The following DPP10 variants were observed in gnomAD, a reference collection of about 807,000 sequenced individuals.
The protein encoded by DPP10 is inactive dipeptidyl peptidase 10.
DPP10 carries 33 observed loss-of-function variants against 120.9 expected under a neutral mutation model. The observed-to-expected ratio is 0.27, with a 90% CI of 0.21 to 0.37. The LOEUF (loss-of-function observed/expected upper bound fraction) is 0.37, where lower values mean the gene tolerates loss of function less well. Among genes scored for constraint, DPP10 ranks in the 10% least tolerant of loss-of-function variants. DPP10 has a pLI of 1.00. For missense variants in DPP10, 816 were observed against 942.8 expected, an observed-to-expected ratio of 0.87 and a Z score of 1.76; for synonymous variants, 337 against 326.1, an observed-to-expected ratio of 1.03 and a Z score of -0.36.
At chr2:115,070,138 A>G (rs1331904384) in intron 1 of DPP10, among the ~76,000 whole-genome samples, 3 of 152,130 alleles carry the variant, frequency 2.0e-5, no homozygotes, top group Non-Finnish European at 4.4e-5. Context: ...AAGTAAAATG[A>G]GAAATACATT....
At chr2:114,587,045 C>T (rs1691041233) in intron 1 of DPP10, among the ~76,000 whole-genome samples, 1 of 152,138 alleles carries the variant, frequency 6.6e-6, no homozygotes, top group African/African-American at 2.4e-5. Flanking sequence ...TGCCTGTAAT[C>T]CCAGCACTTT....
intron 1 of DPP10, among the ~76,000 whole-genome samples, chr2:115,193,096 T>C (rs1240108332): frequency 1.3e-5 from 2 of 152,192 alleles, no homozygotes; most frequent in East Asian, 3.9e-4. Context: ...GTTTCTTCAA[T>C]AGTTTTACAT....
intron 3 of DPP10, among the ~76,000 whole-genome samples, chr2:115,459,809 C>G (rs907110511): frequency 6.6e-6 from 1 of 151,512 alleles, no homozygotes; most frequent in African/African-American, 2.4e-5. Context: ...TTATTTCTAA[C>G]TTCTGAGATT....
At chr2:115,400,805 G>A (rs1461668626) in intron 3 of DPP10, among the ~76,000 whole-genome samples, 2 of 152,126 alleles carry the variant, frequency 1.3e-5, no homozygotes, top group Admixed American at 6.5e-5. Flanking sequence ...TTTCCAGGTC[G>A]CTGCCATCTT....
At chr2:114,740,750 A>T (rs1677967178) in intron 1 of DPP10, among the ~76,000 whole-genome samples, 1 of 152,156 alleles carries the variant, frequency 6.6e-6, no homozygotes, top group South Asian at 2.1e-4. Flanking sequence ...TGAAGGTCTG[A>T]TGTTGGAGGC....
chr2:115,493,138 T>G (rs2076212296), intron 3 of DPP10, among the ~76,000 whole-genome samples: 1 of 151,976 alleles, frequency 6.6e-6, no homozygotes, highest in East Asian at 1.9e-4. Flanking sequence ...TTGAGGAGTG[T>G]TTGAGATAAT....
At chr2:114,819,565 T>C (rs1685918841) in intron 1 of DPP10, among the ~76,000 whole-genome samples, 1 of 152,248 alleles carries the variant, frequency 6.6e-6, no homozygotes, top group Non-Finnish European at 1.5e-5. Flanking sequence ...TTTTTGGCTC[T>C]TTAATTTTGA....
At chr2:115,452,935 C>A (rs1215247037) in intron 3 of DPP10, among the ~76,000 whole-genome samples, 1 of 151,744 alleles carries the variant, frequency 6.6e-6, no homozygotes. Flanking sequence ...ATGGAGATGA[C>A]AATAGTAAGA....
chr2:115,283,993 A>T (rs1382120264), intron 1 of DPP10, among the ~76,000 whole-genome samples: 1 of 151,988 alleles, frequency 6.6e-6, no homozygotes, highest in Non-Finnish European at 1.5e-5. Flanking sequence ...TTGCACAATG[A>T]CAACATAGCC....
At chr2:114,650,013 T>C (rs1257989476) in intron 1 of DPP10, among the ~76,000 whole-genome samples, 11 of 152,200 alleles carry the variant, frequency 7.2e-5, no homozygotes, top group Non-Finnish European at 1.5e-4. Context: ...CACTATTTTT[T>C]CAAAATATTA....
chr2:115,824,999 A>G (rs923044257), intron 21 of DPP10, among the ~76,000 whole-genome samples: 1 of 152,232 alleles, frequency 6.6e-6, no homozygotes, highest in South Asian at 2.1e-4. Flanking sequence ...GTACAAAAGC[A>G]TAGATGTCAA....
At chr2:115,441,213 A>T (rs1384356313) in intron 3 of DPP10, among the ~76,000 whole-genome samples, 3 of 152,236 alleles carry the variant, frequency 2.0e-5, no homozygotes, top group Admixed American at 6.5e-5. Flanking sequence ...GTCACAGGAA[A>T]AAAAGGGGGA....
At chr2:115,474,182 G>T (rs78472641) in intron 3 of DPP10, among the ~76,000 whole-genome samples, 1 of 143,406 alleles carries the variant, frequency 7.0e-6, no homozygotes, top group Non-Finnish European at 1.5e-5. Context: ...TAATCACAAA[G>T]GGAAATTGTT....
chr2:114,689,047 GT>G (rs1036280817), intron 1 of DPP10, among the ~76,000 whole-genome samples: 2 of 149,590 alleles, frequency 1.3e-5, no homozygotes, highest in South Asian at 2.1e-4. Context: ...TCCGTGGTTT[GT>G]TTTTTTTTAA....
chr2:115,714,265 A>G (rs1198173404), intron 7 of DPP10, among the ~76,000 whole-genome samples: 2 of 152,190 alleles, frequency 1.3e-5, no homozygotes, highest in Non-Finnish European at 2.9e-5. Flanking sequence ...GTTATATTAC[A>G]GTAATGTTGA....
chr2:115,071,255 T>C (rs1306862144), intron 1 of DPP10, among the ~76,000 whole-genome samples: 1 of 152,222 alleles, frequency 6.6e-6, no homozygotes, highest in Non-Finnish European at 1.5e-5. Context: ...CTCTTTGTTC[T>C]ATACTCTTTT....
intron 19 of DPP10, among the ~76,000 whole-genome samples, chr2:115,800,541 T>C (rs191705810): frequency 0.017 from 2,621 of 152,184 alleles, 86 homozygotes; most frequent in African/African-American, 0.059. Context: ...GTTGCCTAGG[T>C]TTTCTTCTAG....
chr2:115,515,979 G>A (rs2077485194), intron 4 of DPP10, among the ~76,000 whole-genome samples: 1 of 152,018 alleles, frequency 6.6e-6, no homozygotes, highest in Non-Finnish European at 1.5e-5. Flanking sequence ...GCATAAAACT[G>A]ATTTATCTTA....
chr2:114,479,618 G>C (rs922026098), intron 1 of DPP10, among the ~76,000 whole-genome samples: 6 of 152,134 alleles, frequency 3.9e-5, no homozygotes, highest in Non-Finnish European at 8.8e-5. Context: ...ATGGGGAAAG[G>C]ATTCCCTATT....
Sources: gnomAD v4.1 joint callset for allele counts (sites outside exome capture counted in the v4.1 genomes callset) on GRCh38, gnomAD v4.1.1 for gene constraint, MANE v1.5 for transcripts, NCBI Gene and HGNC (gene_info 2026-07-23, HGNC 2026-07-21) for gene names.